Variants in CLSTN2 observed in about 807,000 individuals in gnomAD.
CLSTN2 encodes the protein calsyntenin-2.
In CLSTN2, 48 loss-of-function variants were observed where a neutral mutation model predicts 101.2. The ratio of observed to expected loss-of-function variants is 0.47; its 90% CI spans 0.38 to 0.60. The LOEUF is 0.60. Among genes scored for constraint, CLSTN2 ranks in the 20% least tolerant of loss-of-function variants. The pLI, the probability that CLSTN2 is intolerant of heterozygous loss-of-function variation, is 0.00. For missense variants in CLSTN2, 1,160 were observed against 1,238.2 expected, an observed-to-expected ratio of 0.94 and a Z score of 0.95; for synonymous variants, 481 against 463.6, an observed-to-expected ratio of 1.04 and a Z score of -0.48.
At chr3:140,162,190 T>C (rs1049096541) in intron 1 of CLSTN2, among the ~76,000 whole-genome samples, 2 of 152,162 alleles carry the variant, frequency 1.3e-5, no homozygotes, top group Non-Finnish European at 2.9e-5. Flanking sequence ...GTAAACATAA[T>C]TTTGACCTTG....
Position 140,562,196 on chromosome 3 carries a change from G to T in CLSTN2, c.2100G>T (p.Leu700Phe). ...MLHNLDFCDI[L>F]VIGGDLDPRQ... ...ATAACTTAGATTTCTGTGACATTTT[G>T]GTGATCGGAGGGGACTTGGACCCAA... The change falls in exon 13 of 17, where the codon TTG (leucine) becomes TTT (phenylalanine). Residue 700 changes from leucine to phenylalanine, a missense_variant. Coordinates refer to ENST00000458420, the MANE Select transcript of CLSTN2 (RefSeq NM_022131.3). 6.2e-7 allele frequency: 1 copy of T among 1,614,072 alleles called. No individual in the cohort carries two copies. Among genetic ancestry groups the T allele is most frequent in the Non-Finnish European group, 8.5e-7 (1 of 1,179,964 alleles).
intron 1 of CLSTN2, among the ~76,000 whole-genome samples, chr3:140,016,793 GAA>G (rs56040791): frequency 1.3e-3 from 114 of 89,292 alleles, no homozygotes; most frequent in African/African-American, 4.6e-3. Context: ...GTGAGACTCT[GAA>G]AAAAAAAAAA....
At chr3:140,244,921 C>T (rs549222805) in intron 2 of CLSTN2, among the ~76,000 whole-genome samples, 33 of 152,312 alleles carry the variant, frequency 2.2e-4, no homozygotes, top group Middle Eastern at 3.4e-3. Context: ...GGTTTGAAAA[C>T]GCCATGGCAT....
intron 2 of CLSTN2, among the ~76,000 whole-genome samples, chr3:140,319,974 T>A (rs575851351): frequency 1.5e-4 from 23 of 152,368 alleles, no homozygotes; most frequent in Non-Finnish European, 2.8e-4. Flanking sequence ...CAGCAGTCTC[T>A]GAACACTGTA....
At chr3:140,248,381 G>A (rs2086534315) in intron 2 of CLSTN2, among the ~76,000 whole-genome samples, 1 of 152,190 alleles carries the variant, frequency 6.6e-6, no homozygotes, top group African/African-American at 2.4e-5. Context: ...GCAGCTTCAA[G>A]TCCAAAGGAG....
rs77414102 is a variant in CLSTN2, at chr3:140,272,348, G to A, written c.232+96275G>A. 4.3e-3 allele frequency among the ~76,000 whole-genome samples: 654 copies of A among 152,294 alleles called. 4 individuals carry two copies. Among genetic ancestry groups the A allele is most frequent in the African/African-American group, 0.015 (606 of 41,580 alleles). Reference sequence around the variant, plus strand: ...ACCATGCAATCTATGGCCATATGCTGTGAATAAAGTCAGCAATTGATATCT... The same window carrying A: ...ACCATGCAATCTATGGCCATATGCTATGAATAAAGTCAGCAATTGATATCT... On this transcript the variant is annotated intron_variant, in intron 2 of 16. Coordinates refer to ENST00000458420, the MANE Select transcript of CLSTN2 (RefSeq NM_022131.3).
chr3:140,421,607 C>A (rs1559865066), intron 5 of CLSTN2, among the ~76,000 whole-genome samples: 1 of 152,176 alleles, frequency 6.6e-6, no homozygotes, highest in Non-Finnish European at 1.5e-5. Context: ...CCCCAGGGTG[C>A]TGGGTCTACC....
At chr3:140,393,565 G>A (rs1479863) in intron 2 of CLSTN2, among the ~76,000 whole-genome samples, 114,825 of 152,128 alleles carry the variant, frequency 0.75, 43,578 homozygotes, top group Admixed American at 0.81. Flanking sequence ...GTTGACAGAG[G>A]TAATCGGACA....
At chr3:140,282,901 C>T (rs1156635305) in intron 2 of CLSTN2, among the ~76,000 whole-genome samples, 1 of 152,176 alleles carries the variant, frequency 6.6e-6, no homozygotes, top group Non-Finnish European at 1.5e-5. Context: ...GAGCAAGGGA[C>T]TTTTCCATCG....
At chr3:140,070,737 A>G (rs1191650041) in intron 1 of CLSTN2, among the ~76,000 whole-genome samples, 1 of 152,170 alleles carries the variant, frequency 6.6e-6, no homozygotes, top group Non-Finnish European at 1.5e-5. Context: ...TGGCTCATTC[A>G]GAAGAGGGAT....
rs532296694 is a variant in CLSTN2, at chr3:140,430,549, G to A, written c.787+9275G>A. Among the ~76,000 whole-genome samples the A allele has an allele frequency of 3.9e-5, 6 of 152,300 alleles. No homozygotes were observed. The East Asian group carries it at 5.8e-4, about 15-fold the overall frequency. Reference sequence around the variant, plus strand: ...ATGGTTACCCTACAGCAGCAGAGCCGAGTCGTTTCAATAGATTATGTGGCC... The same window carrying A: ...ATGGTTACCCTACAGCAGCAGAGCCAAGTCGTTTCAATAGATTATGTGGCC... On this transcript the variant is annotated intron_variant, in intron 5 of 16. Transcript: ENST00000458420.
intron 1 of CLSTN2, among the ~76,000 whole-genome samples, chr3:139,977,895 C>A (rs769378689): frequency 6.6e-6 from 1 of 152,190 alleles, no homozygotes; most frequent in African/African-American, 2.4e-5. Flanking sequence ...TTTCCATGGT[C>A]TCTGCTCAGC....
chr3:140,253,984 C>T (rs1559820179), intron 2 of CLSTN2, among the ~76,000 whole-genome samples: 1 of 152,060 alleles, frequency 6.6e-6, no homozygotes, highest in Non-Finnish European at 1.5e-5. Context: ...GTCAGGAAGT[C>T]ATGTTTTGCC....
At chr3:140,457,241 C>T (rs551567840) in intron 6 of CLSTN2, among the ~76,000 whole-genome samples, 2 of 152,328 alleles carry the variant, frequency 1.3e-5, no homozygotes, top group Admixed American at 6.5e-5. Context: ...TTGGCTTGAG[C>T]TAGAAGTCAG....
chr3:139,990,428 C>T (rs527411810), intron 1 of CLSTN2, among the ~76,000 whole-genome samples: 4 of 152,220 alleles, frequency 2.6e-5, no homozygotes, highest in African/African-American at 9.6e-5. Context: ...CTAGGACCCG[C>T]CCCCTTACTT....
intron 1 of CLSTN2, among the ~76,000 whole-genome samples, chr3:140,038,593 C>G (rs575059715): frequency 6.6e-6 from 1 of 151,848 alleles, no homozygotes; most frequent in African/African-American, 2.4e-5. Flanking sequence ...TTGCTTTTGG[C>G]GTTTTTGTCA....
At chr3:140,377,040 G>GA (rs71149077) in intron 2 of CLSTN2, among the ~76,000 whole-genome samples, 925 of 28,704 alleles carry the variant, frequency 0.032, 8 homozygotes, top group Middle Eastern at 0.086. Context: ...GAGAGAGAGA[G>GA]GATGTGTGTG....
intron 2 of CLSTN2, among the ~76,000 whole-genome samples, chr3:140,366,225 G>A (rs529782032): frequency 6.6e-6 from 1 of 152,190 alleles, no homozygotes; most frequent in Non-Finnish European, 1.5e-5. Flanking sequence ...AGAAACTGCT[G>A]GCTAGGATTC....
intron 8 of CLSTN2, among the ~76,000 whole-genome samples, chr3:140,496,783 G>A (rs1029414908): frequency 1.3e-5 from 2 of 152,134 alleles, no homozygotes; most frequent in African/African-American, 4.8e-5. Flanking sequence ...ACCCAGTCAG[G>A]AAGGACAGGA....
Sources: allele counts gnomAD v4.1 joint callset (sites outside exome capture counted in the v4.1 genomes callset), GRCh38; gene constraint gnomAD v4.1.1; transcripts MANE v1.5; gene names NCBI Gene and HGNC (gene_info 2026-07-23, HGNC 2026-07-21).